The following CDH22 variants were observed in gnomAD, a reference collection of about 807,000 sequenced individuals.
CDH22 encodes cadherin 22, also known as cadherin-22.
CDH22 carries 30 observed loss-of-function variants against 58.4 expected under a neutral mutation model. The ratio of observed to expected loss-of-function variants is 0.51; its 90% CI spans 0.38 to 0.70. The LOEUF (loss-of-function observed/expected upper bound fraction) is 0.70, where lower values mean the gene tolerates loss of function less well. Ranked by LOEUF, CDH22 falls within the 30% of genes least tolerant of loss-of-function variation. The probability of loss-of-function intolerance (pLI) is 0.00; values close to 1 mark genes in which losing one functional copy is unlikely to be tolerated. For missense variants in CDH22, 1,014 were observed against 1,233.9 expected, an observed-to-expected ratio of 0.82 and a Z score of 2.67; for synonymous variants, 513 against 558.2, an observed-to-expected ratio of 0.92 and a Z score of 1.14.
At chr20:46,232,517 TATG>T (rs2086226646) in intron 3 of CDH22, among the ~76,000 whole-genome samples, 2 of 152,210 alleles carry the variant, frequency 1.3e-5, no homozygotes, top group Admixed American at 1.3e-4. Context: ...ATGTCATTAT[TATG>T]AAGACGTTTG....
chr20:46,237,287 C>T (rs1381779698), intron 3 of CDH22, among the ~76,000 whole-genome samples: 1 of 152,134 alleles, frequency 6.6e-6, no homozygotes, highest in Non-Finnish European at 1.5e-5. Context: ...ACTGGTGTGC[C>T]CCTGCTCAGA....
intron 1 of CDH22, among the ~76,000 whole-genome samples, chr20:46,305,206 A>T (rs190316103): frequency 6.6e-6 from 1 of 152,246 alleles, no homozygotes; most frequent in African/African-American, 2.4e-5. Context: ...GCGGAAAGAC[A>T]GTCCTATCAT....
At chr20:46,209,782 G>A (rs181620728) in intron 7 of CDH22, 1 of 152,990 alleles carries the variant, frequency 6.5e-6, no homozygotes, top group African/African-American at 2.4e-5. Flanking sequence ...TGGAAGGATA[G>A]AGCTGTCATT....
intron 8 of CDH22, among the ~76,000 whole-genome samples, chr20:46,193,077 AG>A (rs2085873224): frequency 1.3e-5 from 2 of 152,130 alleles, no homozygotes; most frequent in Non-Finnish European, 2.9e-5. Flanking sequence ...TGGGTGAAGC[AG>A]GGACCCTGAA....
At chr20:46,197,351 A>T (rs73622657) in intron 8 of CDH22, among the ~76,000 whole-genome samples, 5,448 of 151,194 alleles carry the variant, frequency 0.036, 334 homozygotes, top group East Asian at 0.29. Context: ...ATGTTTGTGG[A>T]GGAGTACCCC....
At chr20:46,200,201 C>G (rs774934927) in intron 7 of CDH22, among the ~76,000 whole-genome samples, 3 of 151,758 alleles carry the variant, frequency 2.0e-5, no homozygotes, top group African/African-American at 7.3e-5. Context: ...GTCTTGATCT[C>G]CTGACCTCGT....
chr20:46,243,858 A>G (rs2086309952), intron 2 of CDH22, among the ~76,000 whole-genome samples: 2 of 152,190 alleles, frequency 1.3e-5, no homozygotes, highest in African/African-American at 4.8e-5. Flanking sequence ...CCTGTGAAAC[A>G]TTATCATTCC....
In CDH22 at chr20:46,291,563, C is replaced by T. The variant is rs570498151; in HGVS notation, c.-400+16692G>A. On this transcript the variant is annotated intron_variant, in intron 1 of 11. Transcript: ENST00000537909. The stretch of plus-strand genomic sequence containing the variant: ...TCTGTTTTCCATTTGCTTCCTCTGC[C>T]GTCGACATTCATGATCTCATCACAC... Among the ~76,000 whole-genome samples the T allele has an allele frequency of 3.3e-5, 5 of 152,314 alleles. No homozygotes were observed. In the South Asian group the frequency reaches 8.3e-4, roughly 25 times the overall value.
intron 8 of CDH22, among the ~76,000 whole-genome samples, chr20:46,191,326 G>A (rs1157373234): frequency 2.0e-5 from 3 of 152,162 alleles, no homozygotes; most frequent in African/African-American, 7.2e-5. Context: ...TGGGAGGGGA[G>A]GATGTGGATA....
intron 1 of CDH22, among the ~76,000 whole-genome samples, chr20:46,278,208 G>A (rs1481740274): frequency 6.6e-6 from 1 of 152,166 alleles, no homozygotes; most frequent in Non-Finnish European, 1.5e-5. Flanking sequence ...CTACACTTCT[G>A]GGGGCAGTCC....
chr20:46,278,919 T>C (rs2086534950), intron 1 of CDH22, among the ~76,000 whole-genome samples: 1 of 152,192 alleles, frequency 6.6e-6, no homozygotes, highest in South Asian at 2.1e-4. Flanking sequence ...GGGTCCGGAA[T>C]GGCCCAGTTA....
intron 1 of CDH22, among the ~76,000 whole-genome samples, chr20:46,290,826 G>C (rs1224861357): frequency 6.6e-6 from 1 of 152,158 alleles, no homozygotes; most frequent in East Asian, 1.9e-4. Context: ...GAGTTGCAGA[G>C]AGCCCAAGCA....
At chr20:46,298,127 T>A (rs1198432884) in intron 1 of CDH22, among the ~76,000 whole-genome samples, 1 of 152,148 alleles carries the variant, frequency 6.6e-6, no homozygotes, top group Non-Finnish European at 1.5e-5. Context: ...AATAAGGTTG[T>A]CCTCCCTCAC....
chr20:46,223,729 C>CTT (rs1171044460), intron 4 of CDH22, among the ~76,000 whole-genome samples: 1 of 89,136 alleles, frequency 1.1e-5, no homozygotes, highest in Non-Finnish European at 2.4e-5. Flanking sequence ...CTTTCTTTCT[C>CTT]TTTCTTTCTT....
chr20:46,281,987 C>T (rs1049414507), intron 1 of CDH22, among the ~76,000 whole-genome samples: 5 of 152,214 alleles, frequency 3.3e-5, no homozygotes, highest in African/African-American at 1.2e-4. Context: ...AAGTATCTTA[C>T]CGAAATTCAC....
chr20:46,184,872 G>C (rs2085813382), intron 10 of CDH22, among the ~76,000 whole-genome samples: 2 of 152,124 alleles, frequency 1.3e-5, no homozygotes, highest in African/African-American at 4.8e-5. Context: ...GATCACCTGA[G>C]GTCAGGAGTT....
intron 8 of CDH22, among the ~76,000 whole-genome samples, chr20:46,189,026 G>A (rs1161822336): frequency 6.6e-6 from 1 of 152,140 alleles, no homozygotes; most frequent in Admixed American, 6.6e-5. Flanking sequence ...GTAAACTCAG[G>A]ATCCACTGTG....
chr20:46,232,901 A>C (rs565668678), intron 3 of CDH22, among the ~76,000 whole-genome samples: 17 of 152,348 alleles, frequency 1.1e-4, no homozygotes, highest in Non-Finnish European at 2.5e-4. Context: ...AAGTGGCTGC[A>C]TGGGAGGAGG....
chr20:46,210,124 G>T lies in CDH22; in HGVS notation c.1286+183C>A. 1 of 540,632 alleles carries T rather than the reference G, an allele frequency of 1.8e-6. No homozygotes were observed. Among genetic ancestry groups the T allele is most frequent in the South Asian group, 3.3e-5 (1 of 29,906 alleles). 33.5% of individuals were successfully genotyped at this position (540,632 alleles called of 1,614,324 possible). A position where few individuals can be genotyped will look rare whatever the true frequency, so the allele number is the denominator to read the frequency against. On this transcript the variant is annotated intron_variant, in intron 7 of 11. Transcript: ENST00000537909. This position sits in a 1 kb window ranked among gnomAD's most constrained non-coding sequence, Gnocchi z 4.5. ...TGACTGTTCTCACATCTGCTTCCTT[G>T]GCTCTTTGGCTCCGTGCCTGTTTCT...
Sources: gnomAD v4.1 joint callset for allele counts (sites outside exome capture counted in the v4.1 genomes callset) on GRCh38, gnomAD v4.1.1 for gene constraint, Gnocchi (gnomAD v3.1) non-coding constraint, MANE v1.5 for transcripts, NCBI Gene and HGNC (gene_info 2026-07-23, HGNC 2026-07-21) for gene names.